VPS26B: variants seen among roughly 807,000 people sequenced by gnomAD.
VPS26B encodes the protein VPS26 retromer complex component B.
VPS26B carries 10 observed loss-of-function variants against 33.3 expected under a neutral mutation model. The observed-to-expected ratio is 0.30, with a 90% CI of 0.19 to 0.51. The LOEUF (loss-of-function observed/expected upper bound fraction) is 0.51. Ranked by LOEUF, VPS26B falls within the 20% of genes least tolerant of loss-of-function variation. The pLI is 0.98. For missense variants in VPS26B, 317 were observed against 452.7 expected, an observed-to-expected ratio of 0.70 and a Z score of 2.72; for synonymous variants, 190 against 176.9, an observed-to-expected ratio of 1.07 and a Z score of -0.59.
At chr11:134,239,743 G>A in intron 2 of VPS26B, 1 of 503,008 alleles carries the variant, frequency 2.0e-6, no homozygotes. Flanking sequence ...CGGGGGCATG[G>A]GCTCCCTAGA....
At chr11:134,238,642 C>T (rs1435777206) in intron 2 of VPS26B, among the ~76,000 whole-genome samples, 1 of 152,202 alleles carries the variant, frequency 6.6e-6, no homozygotes, top group Non-Finnish European at 1.5e-5. Context: ...GTTGCCCAGG[C>T]TGGAGTGCAG....
intron 2 of VPS26B, among the ~76,000 whole-genome samples, chr11:134,239,357 G>T (rs756035053): frequency 3.9e-4 from 59 of 152,242 alleles, no homozygotes; most frequent in African/African-American, 7.0e-4. Flanking sequence ...CATCTCCCCC[G>T]GTGAACTGTG....
intron 1 of VPS26B, among the ~76,000 whole-genome samples, chr11:134,232,374 T>C (rs1322034658): frequency 6.6e-6 from 1 of 152,214 alleles, no homozygotes; most frequent in Non-Finnish European, 1.5e-5. Context: ...TGCCCCACAG[T>C]GTTTGCAGAA....
rs138233721 is a variant in VPS26B, at chr11:134,246,143, T to C, written c.*553T>C. On this transcript the variant is annotated 3_prime_UTR_variant, in exon 6 of 6. Coordinates refer to ENST00000281187, the MANE Select transcript of VPS26B (RefSeq NM_052875.5). Reference sequence around the variant, plus strand: ...TGATCTCAAGTTCCCACAGGCCACCTCCTTCTGGCCACTCACTGCTGGGAC... The same window carrying C: ...TGATCTCAAGTTCCCACAGGCCACCCCCTTCTGGCCACTCACTGCTGGGAC... 216 of 154,124 alleles carry C rather than the reference T, an allele frequency of 1.4e-3. No homozygotes were observed. Among genetic ancestry groups the C allele is most frequent in the Non-Finnish European group, 2.4e-3 (163 of 69,234 alleles). 9.5% of individuals were successfully genotyped at this position (154,124 alleles called of 1,614,324 possible).
At chr11:134,237,054 G>T (rs1306929967) in intron 2 of VPS26B, among the ~76,000 whole-genome samples, 1 of 152,220 alleles carries the variant, frequency 6.6e-6, no homozygotes, top group Non-Finnish European at 1.5e-5. Context: ...AGGAGGTAGA[G>T]ATAGGAAAAT....
At position 134,244,913 on chromosome 11, in the gene VPS26B, G is replaced by A; in HGVS notation, c.722-25G>A. 1 of 1,607,830 alleles carries A rather than the reference G, an allele frequency of 6.2e-7. No individual in the cohort carries two copies. Among genetic ancestry groups the A allele is most frequent in the Non-Finnish European group, 8.5e-7 (1 of 1,179,116 alleles). ...GAGAGGGCATCACCTTGCCCCCTGT[G>A]CTGACTCCTGCCCTCCCCCTACAGG... On this transcript the variant is annotated intron_variant, in intron 4 of 5. Coordinates refer to ENST00000281187, the MANE Select transcript of VPS26B (RefSeq NM_052875.5). The surrounding 1 kb of genome is among the most constrained non-coding windows in gnomAD (Gnocchi z 4.0).
rs1050448511 is a variant in VPS26B at position 134,244,834 on chromosome 11, G to A, written c.722-104G>A. 5.6e-5 allele frequency: 81 copies of A among 1,438,462 alleles called. No individual in the cohort carries two copies. Among genetic ancestry groups the A allele is most frequent in the East Asian group, 9.5e-5 (4 of 42,054 alleles). 89.1% of individuals were successfully genotyped at this position (1,438,462 alleles called of 1,614,324 possible). On this transcript the variant is annotated intron_variant, in intron 4 of 5. Transcript: ENST00000281187. The surrounding 1 kb of genome is among the most constrained non-coding windows in gnomAD (Gnocchi z 4.0). Reference sequence around the variant, plus strand: ...ACCTTCCCAGAAGGCTGAAGTGCTCGTGTGCTGCACTCCAGTGGCATCTCT... The same window carrying A: ...ACCTTCCCAGAAGGCTGAAGTGCTCATGTGCTGCACTCCAGTGGCATCTCT...
intron 2 of VPS26B, among the ~76,000 whole-genome samples, chr11:134,238,960 AG>A (rs1387822177): frequency 6.6e-6 from 1 of 152,262 alleles, no homozygotes; most frequent in African/African-American, 2.4e-5. Context: ...TTTATTTAAA[AG>A]AAAATACAAT....
At chr11:134,235,461 T>C (rs1179759277) in intron 2 of VPS26B, 1 of 154,076 alleles carries the variant, frequency 6.5e-6, no homozygotes, top group African/African-American at 2.4e-5. Flanking sequence ...TGAGTTTATA[T>C]AATTTAACTT....
chr11:134,238,673 G>T (rs1009131770), intron 2 of VPS26B, among the ~76,000 whole-genome samples: 1 of 152,102 alleles, frequency 6.6e-6, no homozygotes, highest in African/African-American at 2.4e-5. Context: ...TCGGCTCACC[G>T]CAAGCTCCGC....
chr11:134,232,521 G>A (rs1591878282), intron 1 of VPS26B, among the ~76,000 whole-genome samples: 2 of 152,356 alleles, frequency 1.3e-5, no homozygotes, highest in East Asian at 3.9e-4. Context: ...GCACTAGGGA[G>A]AACGTGATGC....
At chr11:134,229,797 C>A (rs1420173294) in intron 1 of VPS26B, among the ~76,000 whole-genome samples, 1 of 152,132 alleles carries the variant, frequency 6.6e-6, no homozygotes, top group Non-Finnish European at 1.5e-5. Flanking sequence ...AAAGGCAGTT[C>A]TATCATTGTC....
At chr11:134,241,202 T>C (rs1051170665) in intron 3 of VPS26B, among the ~76,000 whole-genome samples, 1 of 152,044 alleles carries the variant, frequency 6.6e-6, no homozygotes, top group African/African-American at 2.4e-5. Context: ...AGCCACAAAG[T>C]CTCTAAGTAG....
intron 1 of VPS26B, among the ~76,000 whole-genome samples, chr11:134,233,792 G>A (rs1049189955): frequency 6.6e-6 from 1 of 152,200 alleles, no homozygotes; most frequent in South Asian, 2.1e-4. Flanking sequence ...AGCTGGGGAT[G>A]TGGGCCTTAT....
At chr11:134,233,484 G>T (rs2136047970) in intron 1 of VPS26B, among the ~76,000 whole-genome samples, 1 of 152,352 alleles carries the variant, frequency 6.6e-6, no homozygotes, top group South Asian at 2.1e-4. Context: ...AGCACTTTGG[G>T]AGGCCAAGGC....
chr11:134,245,473 C>T lies in VPS26B; in HGVS notation c.894C>T (p.Ile298=), dbSNP rs574875149. Residue 298 remains isoleucine, a synonymous_variant, in exon 6 of 6, where the codon ATC becomes ATT. Transcript: ENST00000281187. This position sits in a 1 kb window ranked among gnomAD's most constrained non-coding sequence, Gnocchi z 4.7. ...TGGTGTTGTGGCGGAAGGGTGACAT[C>T]GTACGGAAGAGCATGTCCCACCAGG... ...QEVVLWRKGD[I]VRKSMSHQAA... is the part of the protein sequence containing the mutation. The T allele has an allele frequency of 2.3e-5, 37 of 1,613,978 alleles. 2 individuals are homozygous for T. The Middle Eastern group carries it at 8.3e-4, about 36-fold the overall frequency.
chr11:134,244,886 G>T lies in VPS26B; in HGVS notation c.722-52G>T. The stretch of plus-strand genomic sequence containing the variant: ...CAGTGGTCAGAGTGACCTGGTATAA[G>T]GGAGAGGGCATCACCTTGCCCCCTG... On this transcript the variant is annotated intron_variant, in intron 4 of 5. Coordinates refer to ENST00000281187, the MANE Select transcript of VPS26B (RefSeq NM_052875.5). This position sits in a 1 kb window ranked among gnomAD's most constrained non-coding sequence, Gnocchi z 4.0. The T allele has an allele frequency of 6.3e-7, 1 of 1,589,676 alleles. No individual in the cohort carries two copies. The highest frequency in any genetic ancestry group is 8.5e-7 in the Non-Finnish European group (1 of 1,172,544).
At position 134,244,739 on chromosome 11, in the gene VPS26B, A is replaced by G. The variant is rs1938784540; in HGVS notation, c.722-199A>G. The stretch of plus-strand genomic sequence containing the variant: ...TTTCGAGAAGACATGAGAAGCTGCA[A>G]CATGACCTGGAGTGGAACTGGAGAG... On this transcript the variant is annotated intron_variant, in intron 4 of 5. Transcript: ENST00000281187. The surrounding 1 kb of genome is among the most constrained non-coding windows in gnomAD (Gnocchi z 4.0). 2 of 603,934 alleles carry G rather than the reference A, an allele frequency of 3.3e-6. No individual in the cohort carries two copies. The highest frequency in any genetic ancestry group is 1.9e-5 in the African/African-American group (1 of 53,722). The allele number at this position is 603,934 out of a possible 1,614,324, so 37.4% of individuals were successfully genotyped here.
At position 134,245,359 on chromosome 11, in the gene VPS26B, C is replaced by T. The variant is rs1248413208; in HGVS notation, c.865-85C>T. ...CAGAGGAGGTCCTTGCCCGAGATTC[C>T]CCACGTCAAAGTTGGGAGCCTCTAG... On this transcript the variant is annotated intron_variant, in intron 5 of 5. Transcript: ENST00000281187. The surrounding 1 kb of genome is among the most constrained non-coding windows in gnomAD (Gnocchi z 4.7). 1.3e-6 allele frequency: 2 copies of T among 1,576,778 alleles called. No homozygotes were observed. The highest frequency in any genetic ancestry group is 8.7e-7 in the Non-Finnish European group (1 of 1,154,666).
Sources: allele counts gnomAD v4.1 joint callset (sites outside exome capture counted in the v4.1 genomes callset), GRCh38; gene constraint gnomAD v4.1.1; non-coding constraint Gnocchi (gnomAD v3.1); transcripts MANE v1.5; gene names NCBI Gene and HGNC (gene_info 2026-07-23, HGNC 2026-07-21).